Variants in GRIA2 observed in about 807,000 individuals in gnomAD.
GRIA2 encodes the protein glutamate ionotropic receptor AMPA type subunit 2.
Under a neutral mutation model 97.3 loss-of-function variants are expected in GRIA2, and 14 were observed. That is an observed-to-expected ratio of 0.14 (90% CI 0.10 to 0.23). GRIA2 has a LOEUF of 0.23. GRIA2 is among the 10% of genes least tolerant of loss of function. GRIA2 has a pLI of 1.00. For missense variants in GRIA2, 558 were observed against 1,069.8 expected (o/e 0.52, Z 6.67); for synonymous variants, 412 against 387.8 (o/e 1.06, Z -0.73).
rs1396288711 is a variant in GRIA2 at position 157,346,716 on chromosome 4, A to G, written c.2043+5254A>G. ...AAATAGCATCGTATACATATGTTGC[A>G]AGTCACTCATGCATGGTTAGTCATT... On this transcript the variant is annotated intron_variant, in intron 12 of 15. Transcript: ENST00000264426. Among the ~76,000 whole-genome samples, 6 of 152,180 alleles carry G rather than the reference A, an allele frequency of 3.9e-5. No individual in the cohort carries two copies. In the East Asian group the frequency reaches 1.2e-3, roughly 29 times the overall value.
chr4:157,271,380 G>T (rs1331024766), intron 2 of GRIA2, among the ~76,000 whole-genome samples: 1 of 152,018 alleles, frequency 6.6e-6, no homozygotes, highest in Non-Finnish European at 1.5e-5. Context: ...TGTTTTAGCT[G>T]TGCTTTGGAG....
At position 157,361,781 on chromosome 4, in the gene GRIA2, AT is replaced by A; in HGVS notation, c.2406+660del. On this transcript the variant is annotated intron_variant, in intron 14 of 15. Coordinates refer to ENST00000264426, the MANE Select transcript of GRIA2 (RefSeq NM_001083619.3). The surrounding 1 kb of genome is among the most constrained non-coding windows in gnomAD (Gnocchi z 5.2). ...AATGCAAATATGCATGAGATGCATA[AT>A]TTGGTAAGATGTTTTGGTAATGCCT... 9 of 636,460 alleles carry A rather than the reference AT, an allele frequency of 1.4e-5. No individual in the cohort carries two copies. Among genetic ancestry groups the A allele is most frequent in the Middle Eastern group, 2.6e-4 (1 of 3,892 alleles). 39.4% of individuals were successfully genotyped at this position (636,460 alleles called of 1,614,324 possible).
At chr4:157,328,928 T>C (rs1415239559) in intron 6 of GRIA2, among the ~76,000 whole-genome samples, 1 of 152,008 alleles carries the variant, frequency 6.6e-6, no homozygotes, top group Non-Finnish European at 1.5e-5. Flanking sequence ...CCTTGGAAAA[T>C]GTGATAGAGC....
In GRIA2 at chr4:157,305,427, A is replaced by T. The variant is rs573678359; in HGVS notation, c.469+1636A>T. On this transcript the variant is annotated intron_variant, in intron 3 of 15. Transcript: ENST00000264426. ...AAGTAGCAGGAATTACTGTTAAAAA[A>T]TTTTTTTTGGACTGCATTACTCTCT... Among the ~76,000 whole-genome samples, 413 of 152,036 alleles carry T rather than the reference A, an allele frequency of 2.7e-3. 1 individual carries two copies. The highest frequency in any genetic ancestry group is 9.5e-3 in the African/African-American group (395 of 41,474).
intron 6 of GRIA2, among the ~76,000 whole-genome samples, chr4:157,324,348 T>C (rs1433323358): frequency 6.6e-6 from 1 of 152,136 alleles, no homozygotes; most frequent in Non-Finnish European, 1.5e-5. Context: ...GGCCAGAAAC[T>C]AAATATAAAT....
At chr4:157,258,321 A>G (rs1731371732) in intron 2 of GRIA2, among the ~76,000 whole-genome samples, 1 of 151,980 alleles carries the variant, frequency 6.6e-6, no homozygotes, top group Non-Finnish European at 1.5e-5. Flanking sequence ...TGAGAAAGAG[A>G]ATGCATTCCT....
intron 12 of GRIA2, among the ~76,000 whole-genome samples, chr4:157,352,446 G>A (rs369489314): frequency 6.6e-6 from 1 of 152,000 alleles, no homozygotes. Flanking sequence ...GACCAGGCAC[G>A]GTGGCTCATG....
At chr4:157,353,220 C>T (rs533875059) in intron 12 of GRIA2, among the ~76,000 whole-genome samples, 7 of 151,968 alleles carry the variant, frequency 4.6e-5, no homozygotes, top group East Asian at 3.9e-4. Context: ...AGCGTGGTGG[C>T]GCATGCCTGT....
chr4:157,297,081 T>C (rs1474703909), intron 2 of GRIA2, among the ~76,000 whole-genome samples: 1 of 152,092 alleles, frequency 6.6e-6, no homozygotes, highest in African/African-American at 2.4e-5. Flanking sequence ...ATATCTGCCA[T>C]GAGAGGAAAA....
intron 2 of GRIA2, among the ~76,000 whole-genome samples, chr4:157,249,297 C>G (rs181995931): frequency 6.6e-6 from 1 of 152,164 alleles, no homozygotes; most frequent in Non-Finnish European, 1.5e-5. Context: ...TTTCCTCTGA[C>G]TGTTCAAGAG....
intron 2 of GRIA2, among the ~76,000 whole-genome samples, chr4:157,298,129 T>C (rs1308937903): frequency 1.3e-5 from 2 of 151,004 alleles, no homozygotes; most frequent in Non-Finnish European, 2.9e-5. Context: ...ATGACAAGAG[T>C]GTAAATTGAA....
At chr4:157,311,346 C>T (rs1734072526) in intron 3 of GRIA2, among the ~76,000 whole-genome samples, 2 of 151,866 alleles carry the variant, frequency 1.3e-5, no homozygotes, top group Admixed American at 6.6e-5. Context: ...CAAATGTTCC[C>T]ATCTTTATTT....
intron 2 of GRIA2, among the ~76,000 whole-genome samples, chr4:157,290,387 T>C (rs1203942897): frequency 1.3e-5 from 2 of 151,870 alleles, no homozygotes; most frequent in Non-Finnish European, 2.9e-5. Flanking sequence ...AAGAAAGGTA[T>C]ACTTACACAT....
At chr4:157,249,168 C>T (rs1055827354) in intron 2 of GRIA2, among the ~76,000 whole-genome samples, 7 of 152,166 alleles carry the variant, frequency 4.6e-5, no homozygotes, top group South Asian at 2.1e-4. Flanking sequence ...ATGTGCTAGA[C>T]GCAGTGCTGA....
At chr4:157,301,540 A>G (rs1280210230) in intron 2 of GRIA2, among the ~76,000 whole-genome samples, 1 of 152,208 alleles carries the variant, frequency 6.6e-6, no homozygotes, top group Non-Finnish European at 1.5e-5. Context: ...CCACTTAAAG[A>G]GGCAATCTTG....
intron 12 of GRIA2, 103 bp from the exon 13 acceptor site, chr4:157,359,793 G>A (rs1736555320): frequency 2.1e-6 from 2 of 945,158 alleles, no homozygotes; most frequent in Admixed American, 4.7e-5. Context: ...TTCATATTGT[G>A]TATATCATCT....
intron 12 of GRIA2, among the ~76,000 whole-genome samples, chr4:157,354,461 G>T (rs1448762470): frequency 6.6e-6 from 1 of 152,012 alleles, no homozygotes; most frequent in Non-Finnish European, 1.5e-5. Flanking sequence ...TATTTTCTGT[G>T]AATTATTAGT....
chr4:157,364,226 T>C lies in GRIA2; in HGVS notation c.*795T>C, dbSNP rs1419198124. On this transcript the variant is annotated 3_prime_UTR_variant, in exon 16 of 16. Coordinates refer to ENST00000264426, the MANE Select transcript of GRIA2 (RefSeq NM_001083619.3). ...ATGTATCCTATTCTTTAACATTTGG[T>C]GTTAATATAAAATTACTTGGCAATG... 6.6e-6 allele frequency: 1 copy of C among 152,488 alleles called. No individual in the cohort carries two copies. Among genetic ancestry groups the C allele is most frequent in the East Asian group, 1.9e-4 (1 of 5,182 alleles). 9.4% of individuals were successfully genotyped at this position (152,488 alleles called of 1,614,324 possible). A position where few individuals can be genotyped will look rare whatever the true frequency, so the allele number is the denominator to read the frequency against.
intron 2 of GRIA2, among the ~76,000 whole-genome samples, chr4:157,289,284 T>A (rs1732985062): frequency 6.6e-6 from 1 of 151,936 alleles, no homozygotes; most frequent in Admixed American, 6.6e-5. Context: ...AAAAAATGTT[T>A]TTTGTTTAGT....
Sources: allele counts gnomAD v4.1 joint callset (sites outside exome capture counted in the v4.1 genomes callset), GRCh38; gene constraint gnomAD v4.1.1; non-coding constraint Gnocchi (gnomAD v3.1); transcripts MANE v1.5; gene names NCBI Gene and HGNC (gene_info 2026-07-23, HGNC 2026-07-21).